ZNF704: variants seen among roughly 807,000 people sequenced by gnomAD.
ZNF704 encodes the protein glucocorticoid induced gene 1.
ZNF704 carries 10 observed loss-of-function variants against 44.7 expected under a neutral mutation model. That is an observed-to-expected ratio of 0.22 (90% CI 0.14 to 0.38). The LOEUF (loss-of-function observed/expected upper bound fraction) is 0.38, where lower values mean the gene tolerates loss of function less well. Among genes scored for constraint, ZNF704 ranks in the 10% least tolerant of loss-of-function variants. The pLI is 1.00. For synonymous variants in ZNF704, 211 were observed against 207.6 expected, an observed-to-expected ratio of 1.02 and a Z score of -0.14; for missense variants, 390 against 545.5, an observed-to-expected ratio of 0.71 and a Z score of 2.84.
At chr8:80,826,794 C>A (rs1231674305) in intron 1 of ZNF704, among the ~76,000 whole-genome samples, 1 of 152,056 alleles carries the variant, frequency 6.6e-6, no homozygotes, top group African/African-American at 2.4e-5. Flanking sequence ...AAATGTAATC[C>A]ATCATATAAA....
At chr8:80,880,797 T>A in the ZNF704 span, among the ~76,000 whole-genome samples, 1 of 152,226 alleles carries the variant, frequency 6.6e-6, no homozygotes, top group African/African-American at 2.4e-5. Flanking sequence ...AAAGACACCA[T>A]TAAAAAGTTT....
chr8:80,659,593 C>T lies in ZNF704; in HGVS notation c.1024G>A (p.Gly342Ser). ...SWQSPPVTFT[G>S]IPVSPTHHPV... ...TTCGTTTTTCTACTTACTGGGATGC[C>T]TGTGAAAGTGACCGGAGGAGATTGC... Residue 342 changes from glycine to serine, a missense_variant, in exon 7 of 9, where the codon GGC (glycine) becomes AGC (serine). By Grantham distance (56) the Gly-to-Ser change is moderately conservative. Transcript: ENST00000327835. 6.2e-7 allele frequency: 1 copy of T among 1,613,816 alleles called. No individual in the cohort carries two copies. The highest frequency in any genetic ancestry group is 2.2e-5 in the East Asian group (1 of 44,888).
chr8:80,755,664 G>A (rs1807022552), intron 2 of ZNF704, among the ~76,000 whole-genome samples: 1 of 152,194 alleles, frequency 6.6e-6, no homozygotes, highest in African/African-American at 2.4e-5. Context: ...CTCCCCTGGT[G>A]ATTTCAGCGT....
intron 2 of ZNF704, among the ~76,000 whole-genome samples, chr8:80,760,429 G>A (rs951119894): frequency 3.9e-5 from 6 of 152,002 alleles, no homozygotes; most frequent in South Asian, 2.1e-4. Context: ...AGGCTGAGGC[G>A]GGTGGATCAC....
chr8:80,854,312 T>C (rs1808921363), intron 1 of ZNF704, among the ~76,000 whole-genome samples: 1 of 152,166 alleles, frequency 6.6e-6, no homozygotes, highest in Non-Finnish European at 1.5e-5. Flanking sequence ...TCTATATTTT[T>C]CTCCATTTCC....
chr8:80,842,518 G>A (rs557479032), intron 1 of ZNF704, among the ~76,000 whole-genome samples: 1 of 152,336 alleles, frequency 6.6e-6, no homozygotes, highest in East Asian at 1.9e-4. Flanking sequence ...TATTGGGAGA[G>A]AACAGGGCTT....
At chr8:80,766,859 T>A (rs1263849961) in intron 2 of ZNF704, among the ~76,000 whole-genome samples, 1 of 152,018 alleles carries the variant, frequency 6.6e-6, no homozygotes, top group Non-Finnish European at 1.5e-5. Flanking sequence ...ATTACAGGCA[T>A]GCGTCACCAT....
At chr8:80,877,185 GAAAAA>G (rs5892744), upstream of ZNF704, among the ~76,000 whole-genome samples, 3 of 59,724 alleles carry the variant, frequency 5.0e-5, no homozygotes, top group African/African-American at 1.7e-4. Context: ...CTCTGAATGG[GAAAAA>G]AAAAAAAAAA....
chr8:80,752,825 G>A (rs1432275335), intron 2 of ZNF704, among the ~76,000 whole-genome samples: 1 of 152,214 alleles, frequency 6.6e-6, no homozygotes, highest in African/African-American at 2.4e-5. Flanking sequence ...ACAGGCATGA[G>A]CCACCGCGCC....
At chr8:80,849,541 T>C (rs1231297164) in intron 1 of ZNF704, among the ~76,000 whole-genome samples, 4 of 152,246 alleles carry the variant, frequency 2.6e-5, no homozygotes, top group Non-Finnish European at 5.9e-5. Context: ...CTGCAATCCA[T>C]GGCTCAAAGG....
intron 1 of ZNF704, among the ~76,000 whole-genome samples, chr8:80,838,791 G>C (rs1322292672): frequency 1.3e-5 from 2 of 150,690 alleles, no homozygotes; most frequent in Non-Finnish European, 3.0e-5. Context: ...CAGCGGCAGG[G>C]AGCAGACCCT....
chr8:80,740,073 C>A (rs1225327078), intron 2 of ZNF704, among the ~76,000 whole-genome samples: 1 of 152,176 alleles, frequency 6.6e-6, no homozygotes, highest in African/African-American at 2.4e-5. Flanking sequence ...CTGTCCCAGA[C>A]AACTGTCCTC....
intron 7 of ZNF704, among the ~76,000 whole-genome samples, chr8:80,656,185 TTC>T (rs1241551931): frequency 2.6e-5 from 4 of 151,734 alleles, no homozygotes; most frequent in African/African-American, 7.2e-5. Flanking sequence ...CTCTCTCGAT[TTC>T]TCTCTCTCTC....
At chr8:80,756,684 TA>T (rs1279150498) in intron 2 of ZNF704, among the ~76,000 whole-genome samples, 8 of 152,242 alleles carry the variant, frequency 5.3e-5, no homozygotes, top group East Asian at 1.9e-4. Context: ...ATGCACTGCA[TA>T]AAAAATGATT....
chr8:80,672,926 A>G (rs899476033), intron 4 of ZNF704, among the ~76,000 whole-genome samples: 50 of 145,070 alleles, frequency 3.4e-4, no homozygotes, highest in African/African-American at 1.3e-3. Flanking sequence ...AGTTGAACTT[A>G]AAAAAAAAAA....
intron 2 of ZNF704, among the ~76,000 whole-genome samples, chr8:80,710,000 C>T (rs1054029537): frequency 3.9e-5 from 6 of 152,176 alleles, no homozygotes; most frequent in African/African-American, 1.2e-4. Context: ...TCCAAAATCC[C>T]TGGGCTAGAC....
chr8:80,745,983 C>T (rs1182361152), intron 2 of ZNF704, among the ~76,000 whole-genome samples: 2 of 152,158 alleles, frequency 1.3e-5, no homozygotes, highest in African/African-American at 4.8e-5. Flanking sequence ...TGGGACAGCT[C>T]GGACTTTCTC....
chr8:80,730,072 C>A (rs551594439), intron 2 of ZNF704, among the ~76,000 whole-genome samples: 1 of 152,172 alleles, frequency 6.6e-6, no homozygotes, highest in Non-Finnish European at 1.5e-5. Flanking sequence ...GGAAACAGAA[C>A]ACACCTGAGA....
chr8:80,684,044 A>T (rs1169194630), intron 4 of ZNF704, among the ~76,000 whole-genome samples: 1 of 152,260 alleles, frequency 6.6e-6, no homozygotes, highest in African/African-American at 2.4e-5. Context: ...ACTTAAGACC[A>T]CATTTAATCT....
Sources: allele counts gnomAD v4.1 joint callset (sites outside exome capture counted in the v4.1 genomes callset), GRCh38; gene constraint gnomAD v4.1.1; transcripts MANE v1.5; gene names NCBI Gene and HGNC (gene_info 2026-07-23, HGNC 2026-07-21).